The following ERCC2 variants were observed in gnomAD, a reference collection of about 807,000 sequenced individuals.
ERCC2 encodes ERCC excision repair 2, TFIIH core complex helicase subunit, also known as general transcription and DNA repair factor IIH helicase subunit XPD.
In ERCC2, 90 loss-of-function variants were observed where a neutral mutation model predicts 99.4. That is an observed-to-expected ratio of 0.91 (90% CI 0.76 to 1.08). The LOEUF is 1.08. Among genes scored for constraint, ERCC2 ranks in the 50% least tolerant of loss-of-function variants. The pLI, the probability that ERCC2 is intolerant of heterozygous loss-of-function variation, is 0.00. For missense variants in ERCC2, 993 were observed against 1,038.1 expected (o/e 0.96, Z 0.60); for synonymous variants, 497 against 432.4 (o/e 1.15, Z -1.85).
intron 2 of ERCC2, among the ~76,000 whole-genome samples, chr19:45,369,665 T>C (rs1238018147): frequency 6.6e-6 from 1 of 152,170 alleles, no homozygotes; most frequent in Non-Finnish European, 1.5e-5. Context: ...CAGTAGCTGA[T>C]ATATAGTGAA....
chr19:45,351,681 A>G lies in ERCC2; in HGVS notation c.2231T>C (p.Leu744Pro), dbSNP rs201370106. 1.2e-5 allele frequency: 20 copies of G among 1,613,838 alleles called. No individual in the cohort carries two copies. Among genetic ancestry groups the G allele is most frequent in the South Asian group, 1.1e-4 (10 of 91,082 alleles). Residue 744 changes from leucine to proline, a missense_variant, in exon 23 of 23, where the codon CTA (leucine) becomes CCA (proline). Physicochemically the swap from Leu to Pro is moderately conservative, Grantham distance 98 (BLOSUM62 -3). Transcript: ENST00000391945. ...CCTCTTCAGCGTCTCCTCTGATTCT[A>G]GCTGCTCCAGGCTGAGCAGGGACAG... ...LGLSLLSLEQ[L>P]ESEETLKRIE... is the part of the protein sequence containing the mutation.
rs1188203423 is a variant in ERCC2, at chr19:45,350,841, G to A, written c.*788C>T. On this transcript the variant is annotated 3_prime_UTR_variant, in exon 23 of 23. Transcript: ENST00000391945. ...CCCATCTTGCTCAAGAACCTTCCAT[G>A]GCTCCCATCTCCCCTGTGATACACA... 3 of 1,077,640 alleles carry A rather than the reference G, an allele frequency of 2.8e-6. No homozygotes were observed. Among genetic ancestry groups the A allele is most frequent in the Non-Finnish European group, 2.7e-6 (2 of 749,574 alleles). The allele number at this position is 1,077,640 out of a possible 1,614,324, so 66.8% of individuals were successfully genotyped here. A position where few individuals can be genotyped will look rare whatever the true frequency, so the allele number is the denominator to read the frequency against.
In ERCC2 at chr19:45,350,843, C is replaced by A; in HGVS notation, c.*786G>T. The A allele has an allele frequency of 1.6e-6, 2 of 1,278,532 alleles. No individual in the cohort carries two copies. The highest frequency in any genetic ancestry group is 1.2e-5 in the South Asian group (1 of 80,104). The allele number at this position is 1,278,532 out of a possible 1,614,324, so 79.2% of individuals were successfully genotyped here. On this transcript the variant is annotated 3_prime_UTR_variant, in exon 23 of 23. Transcript: ENST00000391945. ...CATCTTGCTCAAGAACCTTCCATGG[C>A]TCCCATCTCCCCTGTGATACACACA...
chr19:45,361,691 G>A lies in ERCC2; in HGVS notation c.1119-49C>T, dbSNP rs774522360. 1.4e-5 allele frequency: 19 copies of A among 1,348,916 alleles called. 1 individual carries two copies. In the South Asian group the frequency reaches 2.0e-4, roughly 14 times the overall value. The allele number at this position is 1,348,916 out of a possible 1,614,324, so 83.6% of individuals were successfully genotyped here. A position where few individuals can be genotyped will look rare whatever the true frequency, so the allele number is the denominator to read the frequency against. ...CGGGGGGCAGACGGAAGCATGAGCA[G>A]GACCAGCAGCCCTGCCTCCGCCATC... On this transcript the variant is annotated intron_variant, in intron 11 of 22. Transcript: ENST00000391945.
chr19:45,370,314 G>C, intron 1 of ERCC2, 82 bp from the exon 2 acceptor site: 1 of 1,570,892 alleles, frequency 6.4e-7, no homozygotes, highest in Non-Finnish European at 8.7e-7. Flanking sequence ...CGAGCCCAGA[G>C]AAGGGTGACG....
In ERCC2 at chr19:45,350,070, A is replaced by C. The variant is rs1044819423; in HGVS notation, c.*1559T>G. 6.1e-6 allele frequency: 3 copies of C among 491,778 alleles called. No individual in the cohort carries two copies. The highest frequency in any genetic ancestry group is 5.8e-5 in the African/African-American group (3 of 51,782). The allele number at this position is 491,778 out of a possible 1,614,324, so 30.5% of individuals were successfully genotyped here. A position where few individuals can be genotyped will look rare whatever the true frequency, so the allele number is the denominator to read the frequency against. Reference sequence around the variant, plus strand: ...GGCAGGAAGTAAGGCCGAGCTCCAAACCCACTCTGCCCCAGGGCAAGGCTT... The same window carrying C: ...GGCAGGAAGTAAGGCCGAGCTCCAACCCCACTCTGCCCCAGGGCAAGGCTT... On this transcript the variant is annotated 3_prime_UTR_variant, in exon 23 of 23. Coordinates refer to ENST00000391945, the MANE Select transcript of ERCC2 (RefSeq NM_000400.4).
At chr19:45,358,084 C>T (rs140662036) in intron 12 of ERCC2, 253 of 350,044 alleles carry the variant, frequency 7.2e-4, no homozygotes, top group Non-Finnish European at 1.0e-3. Flanking sequence ...CTCGCGCTGT[C>T]GCCCAGGCTA....
rs745363914 is a variant in ERCC2 at position 45,370,225 on chromosome 19, C to G, written c.13G>C (p.Val5Leu). The change falls in exon 2 of 23, where the codon GTG becomes CTG. Residue 5 changes from valine to leucine, a missense_variant. By Grantham distance (32) the Val-to-Leu change is conservative. Around this residue, in one of 3 missense-constraint regions of ERCC2, gnomAD observed 55 missense variants for 45.1 expected, o/e 1.22. Coordinates refer to ENST00000391945, the MANE Select transcript of ERCC2 (RefSeq NM_000400.4). ...GGGAAGTAGACCAGGAGCCCGTCCA[C>G]GTTGAGCCTGGCGGCAGGGGCTGCT... MKLN[V>L]DGLLVYFPYD... The G allele has an allele frequency of 6.2e-7, 1 of 1,613,378 alleles. No homozygotes were observed. Among genetic ancestry groups the G allele is most frequent in the Non-Finnish European group, 8.5e-7 (1 of 1,179,456 alleles).
At chr19:45,356,185 C>G (rs575112472) in intron 15 of ERCC2, among the ~76,000 whole-genome samples, 1 of 152,216 alleles carries the variant, frequency 6.6e-6, no homozygotes, top group Non-Finnish European at 1.5e-5. Flanking sequence ...GAACACCCCT[C>G]GCCATGCCGG....
chr19:45,352,756 C>G lies in ERCC2; in HGVS notation c.1892G>C (p.Arg631Pro), dbSNP rs751084702. The G allele has an allele frequency of 1.2e-6, 2 of 1,613,898 alleles. No homozygotes were observed. The highest frequency in any genetic ancestry group is 1.7e-6 in the Non-Finnish European group (2 of 1,179,904). Residue 631 changes from arginine to proline, a missense_variant, in exon 20 of 23, where the codon CGC becomes CCC. Physicochemically the swap from Arg to Pro is moderately radical, Grantham distance 103 (BLOSUM62 -2). This residue lies in a region of ERCC2 where 909 missense variants were observed against 930.8 expected (regional missense o/e 0.98). Coordinates refer to ENST00000391945, the MANE Select transcript of ERCC2 (RefSeq NM_000400.4). ...GACAGAGCTACTCACCTTGAGAATGCGGCTCTGTGTGTAGACGTAGGGGAC... is the reference window on the plus strand; with the variant it reads ...GACAGAGCTACTCACCTTGAGAATGGGGCTCTGTGTGTAGACGTAGGGGAC... Reference protein sequence around the residue: ...FGVPYVYTQSRILKARLEYLR... With the variant: ...FGVPYVYTQSPILKARLEYLR...
chr19:45,353,186 G>A lies in ERCC2; in HGVS notation c.1759-31C>T, dbSNP rs1374967811. 4 of 1,613,414 alleles carry A rather than the reference G, an allele frequency of 2.5e-6. No individual in the cohort carries two copies. The East Asian group carries it at 8.9e-5, about 36-fold the overall frequency. ...GTGGGGAGACCGAGACGCAAGTTAG[G>A]TCACTCCTCAGAGCCACCTCCCCGA... On this transcript the variant is annotated intron_variant, in intron 18 of 22. Transcript: ENST00000391945.
At chr19:45,352,403 G>A in intron 21 of ERCC2, 51 bp from the exon 22 acceptor site, 1 of 1,613,638 alleles carries the variant, frequency 6.2e-7, no homozygotes, top group Non-Finnish European at 8.5e-7. Flanking sequence ...GGGAGCCTGG[G>A]CCACTCTCCA....
At chr19:45,366,940 C>A (rs1455189113) in intron 5 of ERCC2, among the ~76,000 whole-genome samples, 1 of 152,152 alleles carries the variant, frequency 6.6e-6, no homozygotes, top group Non-Finnish European at 1.5e-5. Flanking sequence ...GAAGCTGAGG[C>A]AGAAGAATCA....
At chr19:45,363,550 G>A (rs377125894) in intron 11 of ERCC2, among the ~76,000 whole-genome samples, 193 bp downstream of exon 11, 1 of 152,134 alleles carries the variant, frequency 6.6e-6, no homozygotes, top group African/African-American at 2.4e-5. Context: ...CCTGCCCGAC[G>A]CACGGACCCA....
At chr19:45,354,175 C>T (rs1459609338) in intron 17 of ERCC2, among the ~76,000 whole-genome samples, 1 of 152,228 alleles carries the variant, frequency 6.6e-6, no homozygotes, top group African/African-American at 2.4e-5. Flanking sequence ...CTCAGAGGCA[C>T]AAAGTGCAGA....
rs1276618779 is a variant in ERCC2, at chr19:45,364,320, T to G, written c.730A>C (p.Ile244Leu). 1 of 1,613,850 alleles carries G rather than the reference T, an allele frequency of 6.2e-7. No homozygotes were observed. The change falls in exon 9 of 23, where the codon ATC (isoleucine) becomes CTC (leucine). Residue 244 changes from isoleucine (I) to leucine (L), a missense_variant. By Grantham distance (5) the Ile-to-Leu change is conservative. Around this residue, in one of 3 missense-constraint regions of ERCC2, gnomAD observed 909 missense variants for 930.8 expected, o/e 0.98. Transcript: ENST00000391945. ...GTGAGGTTGACGCTCATGGAGTCGA[T>G]GCAGACGTTGTCTGGAGAAGGGGGA... ...DEAHNIDNVC[I>L]DSMSVNLTRR...
At position 45,355,596 on chromosome 19, in the gene ERCC2, A is replaced by C. The variant is rs555273303; in HGVS notation, c.1543+69T>G. The stretch of plus-strand genomic sequence containing the variant: ...CAGGGATATTTGTTACAGCAGCATG[A>C]CTCAGCCCACCTGACTGATACACCT... On this transcript the variant is annotated intron_variant, in intron 16 of 22. Transcript: ENST00000391945. 5 of 1,325,518 alleles carry C rather than the reference A, an allele frequency of 3.8e-6. No homozygotes were observed. In the South Asian group the frequency reaches 4.7e-5, roughly 12 times the overall value. 82.1% of individuals were successfully genotyped at this position (1,325,518 alleles called of 1,614,324 possible). A position where few individuals can be genotyped will look rare whatever the true frequency, so the allele number is the denominator to read the frequency against.
chr19:45,369,277 T>C, intron 2 of ERCC2, 130 bp from the exon 3 acceptor site: 1 of 756,494 alleles, frequency 1.3e-6, no homozygotes, highest in Non-Finnish European at 2.4e-6. Flanking sequence ...CAGTTAAGAT[T>C]GGGCAGTGGG....
chr19:45,352,445 G>A (rs375771164), intron 21 of ERCC2, 61 bp downstream of exon 21: 142 of 1,613,922 alleles, frequency 8.8e-5, no homozygotes, highest in South Asian at 2.9e-4. Context: ...GGAAATGAAC[G>A]GGAAACAGCC....
Sources: gnomAD v4.1 joint callset for allele counts (sites outside exome capture counted in the v4.1 genomes callset) on GRCh38, gnomAD v4.1.1 for gene constraint, gnomAD v4.1.1 regional missense constraint, MANE v1.5 for transcripts, NCBI Gene and HGNC (gene_info 2026-07-23, HGNC 2026-07-21) for gene names.